Variants in PADI3 observed in about 807,000 individuals in gnomAD.
PADI3 encodes peptidyl arginine deiminase 3, also known as protein-arginine deiminase type-3.
Under a neutral mutation model 71.5 loss-of-function variants are expected in PADI3, and 53 were observed. That is an observed-to-expected ratio of 0.74 (90% CI 0.59 to 0.93). The LOEUF is 0.93. Ranked by LOEUF, PADI3 falls within the 40% of genes least tolerant of loss-of-function variation. The pLI is 0.00. For synonymous variants in PADI3, 361 were observed against 347.5 expected (o/e 1.04, Z -0.43); for missense variants, 821 against 868.0 (o/e 0.95, Z 0.68).
chr1:17,253,606 A>T (rs1209932271), intron 1 of PADI3, among the ~76,000 whole-genome samples: 1 of 152,158 alleles, frequency 6.6e-6, no homozygotes, highest in Non-Finnish European at 1.5e-5. Flanking sequence ...CCATAAAAAA[A>T]TTGATGCCCA....
intron 10 of PADI3, 71 bp downstream of exon 10, chr1:17,273,518 G>C: frequency 1.1e-6 from 1 of 946,302 alleles, no homozygotes. Flanking sequence ...ACCGGGGTGT[G>C]GGGTACAGAG....
At chr1:17,267,033 A>C (rs1408869087) in intron 5 of PADI3, among the ~76,000 whole-genome samples, 197 bp downstream of exon 5, 1 of 151,974 alleles carries the variant, frequency 6.6e-6, no homozygotes, top group Non-Finnish European at 1.5e-5. Flanking sequence ...GCCAGTGAGC[A>C]CTCACATGCC....
chr1:17,273,206 C>A, intron 9 of PADI3, 134 bp from the exon 10 acceptor site: 2 of 639,146 alleles, frequency 3.1e-6, no homozygotes, highest in Non-Finnish European at 5.3e-6. Context: ...TCGGTCCTGT[C>A]CGCCTCCAAG....
chr1:17,278,246 T>C (rs2073359324), intron 13 of PADI3, among the ~76,000 whole-genome samples: 1 of 152,224 alleles, frequency 6.6e-6, no homozygotes, highest in Admixed American at 6.5e-5. Flanking sequence ...TCTTTTCTTC[T>C]TTTTTGAGAC....
intron 15 of PADI3, among the ~76,000 whole-genome samples, chr1:17,282,582 G>A (rs2073414748): frequency 6.6e-6 from 1 of 152,164 alleles, no homozygotes; most frequent in Non-Finnish European, 1.5e-5. Flanking sequence ...CACAAACATG[G>A]CAGCTGCCAC....
rs371752333 is a variant in PADI3 at position 17,270,331 on chromosome 1, G to A, written c.751G>A (p.Val251Met). ...RLHGDEERFF[V>M]EGLSFPDAGF... ...GCATGGGGATGAGGAGCGCTTCTTC[G>A]TGGAAGGCCTGTCCTTCCCTGATGC... The change falls in exon 7 of 16, where the codon GTG (valine) becomes ATG (methionine). Residue 251 changes from valine (V) to methionine (M), a missense_variant. Transcript: ENST00000375460. 33 of 1,613,836 alleles carry A rather than the reference G, an allele frequency of 2.0e-5. No individual in the cohort carries two copies. The Admixed American group carries it at 2.5e-4, about 12-fold the overall frequency.
rs764625282 is a variant in PADI3, at chr1:17,273,290, C to T, written c.1048-50C>T. 6.4e-6 allele frequency: 9 copies of T among 1,416,240 alleles called. No individual in the cohort carries two copies. The Admixed American group carries it at 1.2e-4, about 19-fold the overall frequency. 87.7% of individuals were successfully genotyped at this position (1,416,240 alleles called of 1,614,324 possible). On this transcript the variant is annotated intron_variant, in intron 9 of 15. Coordinates refer to ENST00000375460, the MANE Select transcript of PADI3 (RefSeq NM_016233.2). ...GGGCTCAGAGCCGAGCCAGCAGGGG[C>T]AGCTGTTGACTGTCACAGCTGTGCG...
intron 1 of PADI3, among the ~76,000 whole-genome samples, chr1:17,250,004 T>C (rs2977228): frequency 0.2 from 29,983 of 152,222 alleles, 3,046 homozygotes; most frequent in Non-Finnish European, 0.22. Context: ...GTGTGCCAGG[T>C]CATGCCTTTG....
At chr1:17,280,501 A>G (rs2073386837) in intron 14 of PADI3, 72 bp downstream of exon 14, 7 of 1,487,462 alleles carry the variant, frequency 4.7e-6, no homozygotes, top group Non-Finnish European at 5.6e-6. Context: ...GATGGGATAC[A>G]GACATCTGAG....
intron 6 of PADI3, among the ~76,000 whole-genome samples, chr1:17,268,910 A>C (rs1485486800): frequency 6.9e-6 from 1 of 143,992 alleles, no homozygotes; most frequent in Admixed American, 6.9e-5. Context: ...TTTTGAGTCA[A>C]GGTCTTGCTC....
At chr1:17,279,626 A>G (rs2073376650) in intron 13 of PADI3, among the ~76,000 whole-genome samples, 2 of 151,894 alleles carry the variant, frequency 1.3e-5, no homozygotes, top group African/African-American at 4.8e-5. Flanking sequence ...AAGTCTTCTG[A>G]CCTCTCTGAG....
Position 17,284,138 on chromosome 1 carries a change from G to A in PADI3, c.*1059G>A, listed in dbSNP as rs893320891. ...CACTGAATTCAGGGGATGGGGGTGG[G>A]GGGGCGGTTCTCGAGGTGTGTGCCA... On this transcript the variant is annotated 3_prime_UTR_variant, in exon 16 of 16. Transcript: ENST00000375460. The A allele has an allele frequency of 2.5e-4, 38 of 152,190 alleles. No homozygotes were observed. The highest frequency in any genetic ancestry group is 8.9e-4 in the African/African-American group (37 of 41,466). The allele number at this position is 152,190 out of a possible 1,614,324, so 9.4% of individuals were successfully genotyped here. A position where few individuals can be genotyped will look rare whatever the true frequency, so the allele number is the denominator to read the frequency against.
Position 17,271,148 on chromosome 1 carries a change from G to A in PADI3, c.1017G>A (p.Gln339=). ...GCTGCAAGCTGACCATCTGCCCACA[G>A]GCCGAGAACCGCAACGACCGCTGGA... The part of the protein sequence containing the change: ...KAGCKLTICP[Q]AENRNDRWIQ... Residue 339 remains glutamine (Q), a synonymous_variant, in exon 9 of 16, where the codon CAG becomes CAA. Transcript: ENST00000375460. The A allele has an allele frequency of 6.2e-7, 1 of 1,613,610 alleles. No homozygotes were observed. The highest frequency in any genetic ancestry group is 8.5e-7 in the Non-Finnish European group (1 of 1,180,012).
chr1:17,252,894 C>T (rs1557495912), intron 1 of PADI3, among the ~76,000 whole-genome samples: 2 of 152,122 alleles, frequency 1.3e-5, no homozygotes, highest in African/African-American at 2.4e-5. Context: ...CTGAGGGGCC[C>T]GCGAAGCTGG....
Position 17,270,990 on chromosome 1 carries a change from T to C in PADI3, c.935+8T>C, listed in dbSNP as rs750716007. 2 of 1,613,880 alleles carry C rather than the reference T, an allele frequency of 1.2e-6. No individual in the cohort carries two copies. Among genetic ancestry groups the C allele is most frequent in the East Asian group, 2.2e-5 (1 of 44,870 alleles). On this transcript the variant is annotated splice_region_variant and intron_variant, in intron 8 of 15. Coordinates refer to ENST00000375460, the MANE Select transcript of PADI3 (RefSeq NM_016233.2). Reference sequence around the variant, plus strand: ...AGAGGTGTATGTGTGCCGGTGAGTCTTGGGGCAGTGGGTGGTCCCTCTGGC... The same window carrying C: ...AGAGGTGTATGTGTGCCGGTGAGTCCTGGGGCAGTGGGTGGTCCCTCTGGC...
rs1347738717 is a variant in PADI3, at chr1:17,283,160, T to A, written c.*81T>A. Reference sequence around the variant, plus strand: ...GAGACAGAGACAGGCCCCTGAACGATAAGCACCAAGAGACCCCAAGGCTCC... The same window carrying A: ...GAGACAGAGACAGGCCCCTGAACGAAAAGCACCAAGAGACCCCAAGGCTCC... On this transcript the variant is annotated 3_prime_UTR_variant, in exon 16 of 16. Coordinates refer to ENST00000375460, the MANE Select transcript of PADI3 (RefSeq NM_016233.2). 3.6e-6 allele frequency: 4 copies of A among 1,098,912 alleles called. No homozygotes were observed. Among genetic ancestry groups the A allele is most frequent in the South Asian group, 2.8e-5 (2 of 71,904 alleles). 68.1% of individuals were successfully genotyped at this position (1,098,912 alleles called of 1,614,324 possible).
intron 2 of PADI3, 88 bp downstream of exon 2, chr1:17,259,846 G>C: frequency 8.3e-7 from 1 of 1,202,294 alleles, no homozygotes; most frequent in Non-Finnish European, 1.2e-6. Flanking sequence ...TTTCTCCAGA[G>C]CGCAGGGCAA....
At chr1:17,264,320 T>C (rs2073137058) in intron 3 of PADI3, among the ~76,000 whole-genome samples, 1 of 138,926 alleles carries the variant, frequency 7.2e-6, no homozygotes, top group African/African-American at 2.7e-5. Flanking sequence ...CATATGTGCA[T>C]AAAGCATATG....
chr1:17,251,533 G>A (rs1229357462), intron 1 of PADI3, among the ~76,000 whole-genome samples: 1 of 152,186 alleles, frequency 6.6e-6, no homozygotes, highest in Non-Finnish European at 1.5e-5. Flanking sequence ...CTTTCCATAT[G>A]TTAACTAATT....
Sources: gnomAD v4.1 joint callset for allele counts (sites outside exome capture counted in the v4.1 genomes callset) on GRCh38, gnomAD v4.1.1 for gene constraint, MANE v1.5 for transcripts, NCBI Gene and HGNC (gene_info 2026-07-23, HGNC 2026-07-21) for gene names.